Variants in AATK observed in about 807,000 individuals in gnomAD.
The protein encoded by AATK is lemur tail kinase 1, also known as serine/threonine-protein kinase LMTK1.
In AATK, 91 loss-of-function variants were observed where a neutral mutation model predicts 114.3. The observed-to-expected ratio is 0.80, with a 90% CI of 0.67 to 0.95. The LOEUF is 0.95. AATK is among the 40% of genes least tolerant of loss of function. The pLI is 0.00. For missense variants in AATK, 2,176 were observed against 1,965.2 expected, an observed-to-expected ratio of 1.11 and a Z score of -2.03; for synonymous variants, 1,075 against 916.5, an observed-to-expected ratio of 1.17 and a Z score of -3.12.
intron 1 of AATK, among the ~76,000 whole-genome samples, chr17:81,159,384 G>A (rs951895788): frequency 6.6e-6 from 1 of 152,162 alleles, no homozygotes; most frequent in African/African-American, 2.4e-5. Context: ...CAGTGGCGGG[G>A]ACTCTCGGGG....
Position 81,119,412 on chromosome 17 carries a change from T to TGCGTGATGGAGAA in AATK, c.4039_4051dup (p.His1351LeufsTer8), listed in dbSNP as rs2060658432. On this transcript the variant is annotated frameshift_variant, in exon 13 of 14. Transcript: ENST00000326724. LOFTEE classifies it low-confidence loss of function (END_TRUNC). Reference sequence around the variant, plus strand: ...GGACTCGGCGTCCGAGTCAGACACGTGCGTGATGGAGAAGCGGGACGTGGG... The same window carrying TGCGTGATGGAGAA: ...GGACTCGGCGTCCGAGTCAGACACGTGCGTGATGGAGAAGCGTGATGGAGAAGCGGGACGTGGG... 1.9e-6 allele frequency: 3 copies of TGCGTGATGGAGAA among 1,546,036 alleles called. No homozygotes were observed. Among genetic ancestry groups the TGCGTGATGGAGAA allele is most frequent in the Non-Finnish European group, 2.6e-6 (3 of 1,153,204 alleles).
chr17:81,122,365 G>A lies in AATK; in HGVS notation c.1571C>T (p.Pro524Leu). 1.3e-6 allele frequency: 2 copies of A among 1,507,268 alleles called. No individual in the cohort carries two copies. The highest frequency in any genetic ancestry group is 1.9e-4 in the Middle Eastern group (1 of 5,294). The allele number at this position is 1,507,268 out of a possible 1,614,324, so 93.4% of individuals were successfully genotyped here. The stretch of plus-strand genomic sequence containing the variant: ...GATGAAGTACTCGCTGCCCAGCGAC[G>A]GGCTGTGCGCGCTGAGCACCGGAAC... Reference protein sequence around the residue: ...GVVPVLSAHSPSLGSEYFIRL... With the variant: ...GVVPVLSAHSLSLGSEYFIRL... Residue 524 changes from proline (P) to leucine (L), a missense_variant, in exon 11 of 14, where the codon CCG becomes CTG. Transcript: ENST00000326724.
chr17:81,138,504 C>T (rs928511010), intron 1 of AATK, among the ~76,000 whole-genome samples: 1 of 147,380 alleles, frequency 6.8e-6, no homozygotes, highest in Admixed American at 6.7e-5. Context: ...CACCCTCGTG[C>T]AGACACAATG....
At chr17:81,156,927 G>A (rs2061373705) in intron 1 of AATK, among the ~76,000 whole-genome samples, 1 of 52,290 alleles carries the variant, frequency 1.9e-5, no homozygotes, top group Non-Finnish European at 4.2e-5. Flanking sequence ...CAGGGCCCTG[G>A]GCGGGGTACG....
At position 81,121,242 on chromosome 17, in the gene AATK, C is replaced by T. The variant is rs765273497; in HGVS notation, c.2694G>A (p.Gly898=). Residue 898 remains glycine (G), a synonymous_variant, in exon 11 of 14, where the codon GGG becomes GGA. Coordinates refer to ENST00000326724, the MANE Select transcript of AATK (RefSeq NM_001080395.3). Reference sequence around the variant, plus strand: ...CCAGGGAGTCCAGGGAGTCGGGGGTCCCCACCTGCTTCTGCAGAGAGCGGA... The same window carrying T: ...CCAGGGAGTCCAGGGAGTCGGGGGTTCCCACCTGCTTCTGCAGAGAGCGGA... The part of the protein sequence containing the change: ...PAFRSLQKQV[G]TPDSLDSLDI... 3 of 1,607,860 alleles carry T rather than the reference C, an allele frequency of 1.9e-6. No individual in the cohort carries two copies. Among genetic ancestry groups the T allele is most frequent in the South Asian group, 1.1e-5 (1 of 90,094 alleles).
Position 81,165,967 on chromosome 17 carries a change from C to T in AATK, c.26G>A (p.Ser9Asn). 1 of 1,586,024 alleles carries T rather than the reference C, an allele frequency of 6.3e-7. No individual in the cohort carries two copies. The highest frequency in any genetic ancestry group is 8.6e-7 in the Non-Finnish European group (1 of 1,167,832). Residue 9 changes from serine to asparagine, a missense_variant, in exon 1 of 14, where the codon AGC becomes AAC. Transcript: ENST00000326724. Reference sequence around the variant, plus strand: ...GTCGAAGTGCGAGCTGAAGGCGAAGCTGGGGTTGAAGAAGGACGACGACAT... The same window carrying T: ...GTCGAAGTGCGAGCTGAAGGCGAAGTTGGGGTTGAAGAAGGACGACGACAT... MSSSFFNP[S>N]FAFSSHFDPD...
chr17:81,131,965 C>T (rs2060940369), intron 2 of AATK: 3 of 1,328,900 alleles, frequency 2.3e-6, no homozygotes, highest in Non-Finnish European at 2.0e-6. Context: ...ACCTCCGGAG[C>T]TCCCAGAACT....
At chr17:81,145,107 C>G (rs1483351195) in intron 1 of AATK, among the ~76,000 whole-genome samples, 1 of 151,714 alleles carries the variant, frequency 6.6e-6, no homozygotes, top group Non-Finnish European at 1.5e-5. Context: ...GTGGCAGGTG[C>G]CTGTAATCCC....
chr17:81,124,635 CCT>C (rs2060770778), intron 9 of AATK, 90 bp downstream of exon 9: 1 of 1,559,142 alleles, frequency 6.4e-7, no homozygotes, highest in Non-Finnish European at 8.7e-7. Flanking sequence ...CCGGCAGCCC[CCT>C]GACCTCACTA....
At chr17:81,129,212 C>A (rs1462186681) in intron 3 of AATK, among the ~76,000 whole-genome samples, 1 of 152,242 alleles carries the variant, frequency 6.6e-6, no homozygotes, top group Non-Finnish European at 1.5e-5. Context: ...CTGAGCCTGG[C>A]TGCCAGGAGA....
intron 1 of AATK, among the ~76,000 whole-genome samples, chr17:81,152,177 C>T (rs1310272738): frequency 6.6e-6 from 1 of 152,166 alleles, no homozygotes; most frequent in Non-Finnish European, 1.5e-5. Flanking sequence ...ACTTGGGAGA[C>T]TGAGGCAGAA....
rs1485607408 is a variant in AATK at position 81,121,129 on chromosome 17, T to G, written c.2807A>C (p.Asp936Ala). Residue 936 changes from aspartate to alanine, a missense_variant, in exon 11 of 14, where the codon GAC (aspartate) becomes GCC (alanine). By Grantham distance (126) the Asp-to-Ala change is moderately radical. Transcript: ENST00000326724. ...ATAGTTCTCGGTGTCATAGCCACTG[T>G]CCAGCGCTCGCGGCTGCCCTCCAGA... is the stretch of plus-strand genomic sequence containing the variant. The part of the protein sequence containing the change: ...GPSGGQPRAL[D>A]SGYDTENYES... 2.5e-6 allele frequency: 4 copies of G among 1,606,164 alleles called. No homozygotes were observed. The highest frequency in any genetic ancestry group is 3.4e-5 in the Admixed American group (2 of 59,460).
chr17:81,120,261 C>T lies in AATK; in HGVS notation c.3675G>A (p.Leu1225=). The T allele has an allele frequency of 6.2e-7, 1 of 1,600,942 alleles. No individual in the cohort carries two copies. The highest frequency in any genetic ancestry group is 8.5e-7 in the Non-Finnish European group (1 of 1,171,376). ...SLLSETFCED[L]ERKKKAVSFF... The stretch of plus-strand genomic sequence containing the variant: ...AGGACACGGCCTTCTTCTTGCGTTC[C>T]AGGTCCTCGCAGAAGGTCTCGGACA... The change falls in exon 11 of 14, where the codon CTG becomes CTA. Residue 1225 remains leucine (L), a synonymous_variant. Transcript: ENST00000326724.
At chr17:81,160,122 C>T (rs1463435580) in intron 1 of AATK, 8 of 417,448 alleles carry the variant, frequency 1.9e-5, no homozygotes, top group Admixed American at 6.4e-5. Context: ...TGCTCTGGCA[C>T]GGCCACCTCC....
intron 1 of AATK, among the ~76,000 whole-genome samples, chr17:81,147,294 G>T (rs945278784): frequency 6.6e-6 from 1 of 150,416 alleles, no homozygotes; most frequent in African/African-American, 2.5e-5. Context: ...CCGGAAGGCA[G>T]AGGTTGCAGT....
chr17:81,119,305 G>A (rs1020728630), intron 13 of AATK, 75 bp downstream of exon 13: 50 of 1,427,466 alleles, frequency 3.5e-5, no homozygotes, highest in East Asian at 1.4e-4. Flanking sequence ...GGACCTAGAC[G>A]GAGGGGCCCC....
chr17:81,120,322 C>A lies in AATK; in HGVS notation c.3614G>T (p.Arg1205Leu). ...CATCTTGAGCAGGCTGCGCAGGTTG[C>A]GCGCGCTCTGGCTCTCAGCCACCAC... Reference protein sequence around the residue: ...PVVVAESQSARNLRSLLKMPS... With the variant: ...PVVVAESQSALNLRSLLKMPS... The change falls in exon 11 of 14, where the codon CGC (arginine) becomes CTC (leucine). Residue 1205 changes from arginine to leucine, a missense_variant. Transcript: ENST00000326724. The A allele has an allele frequency of 6.2e-7, 1 of 1,610,596 alleles. No individual in the cohort carries two copies. The highest frequency in any genetic ancestry group is 8.5e-7 in the Non-Finnish European group (1 of 1,179,270).
At position 81,121,319 on chromosome 17, in the gene AATK, C is replaced by A; in HGVS notation, c.2617G>T (p.Asp873Tyr). The stretch of plus-strand genomic sequence containing the variant: ...GCCTGCAGGCCGTCGCTGGACGTGT[C>A]GGTGAAGATGCCTGAGGTGGCCTCG... ...TAEATSGIFT[D>Y]TSSDGLQARR... The change falls in exon 11 of 14, where the codon GAC (aspartate) becomes TAC (tyrosine). Residue 873 changes from aspartate (D) to tyrosine (Y), a missense_variant. By Grantham distance (160) the Asp-to-Tyr change is radical. This residue lies in a region of AATK where 1,701 missense variants were observed against 1,394.7 expected (regional missense o/e 1.22). Coordinates refer to ENST00000326724, the MANE Select transcript of AATK (RefSeq NM_001080395.3). 6.2e-7 allele frequency: 1 copy of A among 1,611,754 alleles called. No homozygotes were observed. Among genetic ancestry groups the A allele is most frequent in the Non-Finnish European group, 8.5e-7 (1 of 1,179,666 alleles).
chr17:81,120,841 T>C lies in AATK; in HGVS notation c.3095A>G (p.Gln1032Arg). The C allele has an allele frequency of 6.3e-7, 1 of 1,579,632 alleles. No individual in the cohort carries two copies. Among genetic ancestry groups the C allele is most frequent in the African/African-American group, 1.3e-5 (1 of 74,272 alleles). ...CCTGAGACAGACCTGCTCAGACGGCTGCCCAGTGCTCGGCAGGCCCAGCTC... is the reference window on the plus strand; with the variant it reads ...CCTGAGACAGACCTGCTCAGACGGCCGCCCAGTGCTCGGCAGGCCCAGCTC... The part of the protein sequence containing the change: ...GPELGLPSTG[Q>R]PSEQVCLRPG... The change falls in exon 11 of 14, where the codon CAG (glutamine) becomes CGG (arginine). Residue 1032 changes from glutamine to arginine, a missense_variant. Gln to Arg is a conservative substitution (Grantham distance 43). This residue lies in a region of AATK where 1,701 missense variants were observed against 1,394.7 expected (regional missense o/e 1.22). Coordinates refer to ENST00000326724, the MANE Select transcript of AATK (RefSeq NM_001080395.3).
Sources: allele counts gnomAD v4.1 joint callset (sites outside exome capture counted in the v4.1 genomes callset), GRCh38; gene constraint gnomAD v4.1.1; regional missense constraint gnomAD v4.1.1; transcripts MANE v1.5; gene names NCBI Gene and HGNC (gene_info 2026-07-23, HGNC 2026-07-21).